CMTM3: variants seen among roughly 807,000 people sequenced by gnomAD.
CMTM3 encodes CKLF like MARVEL transmembrane domain containing 3.
Under a neutral mutation model 18.2 loss-of-function variants are expected in CMTM3, and 7 were observed. The observed-to-expected ratio is 0.38, with a 90% CI of 0.22 to 0.72. The LOEUF (loss-of-function observed/expected upper bound fraction) is 0.72. CMTM3 is among the 30% of genes least tolerant of loss of function. The probability of loss-of-function intolerance (pLI) is 0.46; values close to 1 mark genes in which losing one functional copy is unlikely to be tolerated. For missense variants in CMTM3, 227 were observed against 249.2 expected, an observed-to-expected ratio of 0.91 and a Z score of 0.60; for synonymous variants, 109 against 111.2, an observed-to-expected ratio of 0.98 and a Z score of 0.12.
chr16:66,612,802 C>T lies in CMTM3; in HGVS notation c.*165C>T, dbSNP rs1302636216. 1 of 677,752 alleles carries T rather than the reference C, an allele frequency of 1.5e-6. No individual in the cohort carries two copies. The highest frequency in any genetic ancestry group is 2.5e-6 in the Non-Finnish European group (1 of 395,504). 42.0% of individuals were successfully genotyped at this position (677,752 alleles called of 1,614,324 possible). A position where few individuals can be genotyped will look rare whatever the true frequency, so the allele number is the denominator to read the frequency against. ...CAGGTTCTGCCTGAGCCCAGCCTACCAGGCTTGCCCCTCAGCTCAGCACTG... is the reference window on the plus strand; with the variant it reads ...CAGGTTCTGCCTGAGCCCAGCCTACTAGGCTTGCCCCTCAGCTCAGCACTG... On this transcript the variant is annotated 3_prime_UTR_variant, in exon 5 of 5. Transcript: ENST00000567572. This position sits in a 1 kb window ranked among gnomAD's most constrained non-coding sequence, Gnocchi z 6.0.
chr16:66,609,746 C>A lies in CMTM3; in HGVS notation c.400-137C>A. The A allele has an allele frequency of 1.3e-6, 2 of 1,579,464 alleles. No individual in the cohort carries two copies. Among genetic ancestry groups the A allele is most frequent in the Non-Finnish European group, 1.7e-6 (2 of 1,162,988 alleles). On this transcript the variant is annotated intron_variant, in intron 3 of 4. Transcript: ENST00000567572. This position sits in a 1 kb window ranked among gnomAD's most constrained non-coding sequence, Gnocchi z 4.4. ...AAGTTCACAGCTCATTTTCCCACTTCCGTTACTCACAGGGGTCTGTGCCTG... is the reference window on the plus strand; with the variant it reads ...AAGTTCACAGCTCATTTTCCCACTTACGTTACTCACAGGGGTCTGTGCCTG...
chr16:66,612,641 C>A lies in CMTM3; in HGVS notation c.*4C>A. The A allele has an allele frequency of 6.2e-7, 1 of 1,613,934 alleles. No homozygotes were observed. Among genetic ancestry groups the A allele is most frequent in the Non-Finnish European group, 8.5e-7 (1 of 1,179,936 alleles). Reference sequence around the variant, plus strand: ...TTCCGACTCGGACTCTGACTGAAGGCCTGGCGGGTGCCTTGGCAACCTGAG... The same window carrying A: ...TTCCGACTCGGACTCTGACTGAAGGACTGGCGGGTGCCTTGGCAACCTGAG... On this transcript the variant is annotated 3_prime_UTR_variant, in exon 5 of 5. Coordinates refer to ENST00000567572, the MANE Select transcript of CMTM3 (RefSeq NM_181553.4). The surrounding 1 kb of genome is among the most constrained non-coding windows in gnomAD (Gnocchi z 6.0).
chr16:66,611,849 G>A (rs981910034), intron 4 of CMTM3, among the ~76,000 whole-genome samples: 2 of 152,030 alleles, frequency 1.3e-5, no homozygotes, highest in African/African-American at 2.4e-5. Flanking sequence ...ATTGGGGGAG[G>A]GGGATTGAAG....
Position 66,610,997 on chromosome 16 carries a change from GC to G in CMTM3, c.520+997del, listed in dbSNP as rs1345025145. ...CAGGCTCTGCAACCTGCTCCCAGTT[GC>G]CCGCAGCAAGTGATCCCAGACAACC... On this transcript the variant is annotated intron_variant, in intron 4 of 4. Transcript: ENST00000567572. The surrounding 1 kb of genome is among the most constrained non-coding windows in gnomAD (Gnocchi z 4.6). The G allele has an allele frequency of 5.0e-6, 2 of 397,992 alleles. No individual in the cohort carries two copies. Among genetic ancestry groups the G allele is most frequent in the African/African-American group, 4.1e-5 (2 of 48,612 alleles). The allele number at this position is 397,992 out of a possible 1,614,324, so 24.7% of individuals were successfully genotyped here.
chr16:66,613,087 G>A lies in CMTM3; in HGVS notation c.*450G>A, dbSNP rs892116487. On this transcript the variant is annotated 3_prime_UTR_variant, in exon 5 of 5. Coordinates refer to ENST00000567572, the MANE Select transcript of CMTM3 (RefSeq NM_181553.4). ...GCCCCGGTGGGTTTGTCTGCACTTG[G>A]TGCTCCTGCCCACACCAGCCACTTT... is the stretch of plus-strand genomic sequence containing the variant. The A allele has an allele frequency of 4.3e-6, 3 of 702,870 alleles. No homozygotes were observed. The highest frequency in any genetic ancestry group is 7.8e-6 in the Non-Finnish European group (3 of 385,008). 43.5% of individuals were successfully genotyped at this position (702,870 alleles called of 1,614,324 possible). A position where few individuals can be genotyped will look rare whatever the true frequency, so the allele number is the denominator to read the frequency against.
rs1038858119 is a variant in CMTM3, at chr16:66,610,517, T to C, written c.520+514T>C. Among the ~76,000 whole-genome samples, 2 of 152,112 alleles carry C rather than the reference T, an allele frequency of 1.3e-5. No individual in the cohort carries two copies. The highest frequency in any genetic ancestry group is 4.8e-5 in the African/African-American group (2 of 41,410). ...GGAGCCGATAGAGGGAGGGATACAG[T>C]AGCTGAAAGCAGGCCCACGCTGGGT... On this transcript the variant is annotated intron_variant, in intron 4 of 4. Transcript: ENST00000567572. The surrounding 1 kb of genome is among the most constrained non-coding windows in gnomAD (Gnocchi z 4.6).
chr16:66,613,280 A>C lies in CMTM3; in HGVS notation c.*643A>C. 1 of 629,020 alleles carries C rather than the reference A, an allele frequency of 1.6e-6. No individual in the cohort carries two copies. The allele number at this position is 629,020 out of a possible 1,614,324, so 39.0% of individuals were successfully genotyped here. A position where few individuals can be genotyped will look rare whatever the true frequency, so the allele number is the denominator to read the frequency against. The stretch of plus-strand genomic sequence containing the variant: ...AACCATGTCTTCTGGGGGTGAGATG[A>C]CCATTCTGGGTCTAAGACTGTTTCA... On this transcript the variant is annotated 3_prime_UTR_variant, in exon 5 of 5. Transcript: ENST00000567572.
In CMTM3 at chr16:66,608,545, C is replaced by G; in HGVS notation, c.303+81C>G. The G allele has an allele frequency of 7.1e-7, 1 of 1,412,332 alleles. No homozygotes were observed. The highest frequency in any genetic ancestry group is 9.8e-7 in the Non-Finnish European group (1 of 1,024,452). 87.5% of individuals were successfully genotyped at this position (1,412,332 alleles called of 1,614,324 possible). A position where few individuals can be genotyped will look rare whatever the true frequency, so the allele number is the denominator to read the frequency against. The stretch of plus-strand genomic sequence containing the variant: ...GAGTCCAGAGTCGTGCACTTGGGCC[C>G]TTATCCTTTCTCTAGTGTGCTGGAG... On this transcript the variant is annotated intron_variant, in intron 2 of 4. Coordinates refer to ENST00000567572, the MANE Select transcript of CMTM3 (RefSeq NM_181553.4). This position sits in a 1 kb window ranked among gnomAD's most constrained non-coding sequence, Gnocchi z 5.1.
intron 1 of CMTM3, among the ~76,000 whole-genome samples, chr16:66,607,176 C>G (rs1002377789): frequency 1.1e-3 from 161 of 152,336 alleles, no homozygotes; most frequent in African/African-American, 3.7e-3. Context: ...TGTGGAGCCC[C>G]AGGCTGGCCA....
At chr16:66,607,935 C>T (rs2015221858) in intron 1 of CMTM3, among the ~76,000 whole-genome samples, 1 of 151,904 alleles carries the variant, frequency 6.6e-6, no homozygotes, top group African/African-American at 2.4e-5. Context: ...GCCTCGACCT[C>T]CCCGGGCTCA....
chr16:66,609,511 G>A lies in CMTM3; in HGVS notation c.380G>A (p.Gly127Glu). The A allele has an allele frequency of 6.2e-7, 1 of 1,605,876 alleles. No homozygotes were observed. The highest frequency in any genetic ancestry group is 8.5e-7 in the Non-Finnish European group (1 of 1,176,050). Residue 127 changes from glycine to glutamate, a missense_variant, in exon 3 of 5, where the codon GGG (glycine) becomes GAG (glutamate). By Grantham distance (98) the Gly-to-Glu change is moderately conservative. Transcript: ENST00000567572. The surrounding 1 kb of genome is among the most constrained non-coding windows in gnomAD (Gnocchi z 4.4). ...ACGGCCATCGCCAAGTACTCGGATG[G>A]GGCTTCCAAAGCCGCTGGGGTGAGC... is the stretch of plus-strand genomic sequence containing the variant. Reference protein sequence around the residue: ...SITAIAKYSDGASKAAGVFGF... With the variant: ...SITAIAKYSDEASKAAGVFGF...
In CMTM3 at chr16:66,608,320, C is replaced by T; in HGVS notation, c.159C>T (p.Phe53=). ...RLLLAESGLS[F]ITFICYVASS... is the part of the protein sequence containing the mutation. ...CTCCTTCCCCGCAGGGTCTCTCATTCATCACTTTTATCTGCTATGTGGCGT... is the reference window on the plus strand; with the variant it reads ...CTCCTTCCCCGCAGGGTCTCTCATTTATCACTTTTATCTGCTATGTGGCGT... The change falls in exon 2 of 5, where the codon TTC becomes TTT. Residue 53 remains phenylalanine, a synonymous_variant. Coordinates refer to ENST00000567572, the MANE Select transcript of CMTM3 (RefSeq NM_181553.4). The surrounding 1 kb of genome is among the most constrained non-coding windows in gnomAD (Gnocchi z 5.1). 6.2e-7 allele frequency: 1 copy of T among 1,614,210 alleles called. No individual in the cohort carries two copies. The highest frequency in any genetic ancestry group is 1.1e-5 in the South Asian group (1 of 91,084).
chr16:66,609,805 T>G lies in CMTM3; in HGVS notation c.400-78T>G, dbSNP rs752608577. The G allele has an allele frequency of 5.6e-6, 9 of 1,613,958 alleles. No homozygotes were observed. In the South Asian group the frequency reaches 8.8e-5, roughly 16 times the overall value. On this transcript the variant is annotated intron_variant, in intron 3 of 4. Transcript: ENST00000567572. The surrounding 1 kb of genome is among the most constrained non-coding windows in gnomAD (Gnocchi z 4.4). ...GCTGTTTGTCCAAGCAGATCTGAAA[T>G]GGGCCGTGAGGCTGGGGCAGCAGCC...
In CMTM3 at chr16:66,609,594, G is replaced by C; in HGVS notation, c.399+64G>C. 6.5e-7 allele frequency: 1 copy of C among 1,529,684 alleles called. No individual in the cohort carries two copies. Among genetic ancestry groups the C allele is most frequent in the Non-Finnish European group, 8.9e-7 (1 of 1,128,554 alleles). The allele number at this position is 1,529,684 out of a possible 1,614,324, so 94.8% of individuals were successfully genotyped here. ...CCCTCTAGCCCCTCATTTAGGGTGGGACCTGGGGCAGAGCCTTTCCCTGCT... is the reference window on the plus strand; with the variant it reads ...CCCTCTAGCCCCTCATTTAGGGTGGCACCTGGGGCAGAGCCTTTCCCTGCT... On this transcript the variant is annotated intron_variant, in intron 3 of 4. Coordinates refer to ENST00000567572, the MANE Select transcript of CMTM3 (RefSeq NM_181553.4). This position sits in a 1 kb window ranked among gnomAD's most constrained non-coding sequence, Gnocchi z 4.4.
In CMTM3 at chr16:66,612,676, C is replaced by T; in HGVS notation, c.*39C>T. 1 of 1,607,168 alleles carries T rather than the reference C, an allele frequency of 6.2e-7. No homozygotes were observed. The highest frequency in any genetic ancestry group is 8.5e-7 in the Non-Finnish European group (1 of 1,174,386). ...GCCTTGGCAACCTGAGCCACACAGG[C>T]CTCCACCCCTGCGCCTCACAGGGGT... On this transcript the variant is annotated 3_prime_UTR_variant, in exon 5 of 5. Transcript: ENST00000567572. The surrounding 1 kb of genome is among the most constrained non-coding windows in gnomAD (Gnocchi z 6.0).
Position 66,605,477 on chromosome 16 carries a change from G to A in CMTM3, c.147+525G>A, listed in dbSNP as rs562925477. The stretch of plus-strand genomic sequence containing the variant: ...TCGCCCTCCTCCCCTCCGCGGCCGG[G>A]CTCCTTCCTACTCCGCCCTCGCCCC... On this transcript the variant is annotated intron_variant, in intron 1 of 4. Transcript: ENST00000567572. The surrounding 1 kb of genome is among the most constrained non-coding windows in gnomAD (Gnocchi z 4.6). 3.3e-4 allele frequency: 50 copies of A among 152,904 alleles called. No individual in the cohort carries two copies. In the South Asian group the frequency reaches 0.01, roughly 31 times the overall value. 9.5% of individuals were successfully genotyped at this position (152,904 alleles called of 1,614,324 possible).
rs758402246 is a variant in CMTM3 at position 66,609,906 on chromosome 16, C to A, written c.423C>A (p.Ile141=). 18 of 1,614,154 alleles carry A rather than the reference C, an allele frequency of 1.1e-5. No homozygotes were observed. The highest frequency in any genetic ancestry group is 2.2e-5 in the East Asian group (1 of 44,864). The change falls in exon 4 of 5, where the codon ATC becomes ATA. Residue 141 remains isoleucine, a synonymous_variant. Transcript: ENST00000567572. The surrounding 1 kb of genome is among the most constrained non-coding windows in gnomAD (Gnocchi z 4.4). ...AGGTGTTTGGCTTCTTTGCTACCAT[C>A]GTGTTTGCAACTGATTTCTACCTGA... ...AAGVFGFFAT[I]VFATDFYLIF... is the part of the protein sequence containing the mutation.
At position 66,608,344 on chromosome 16, in the gene CMTM3, G is replaced by T. The variant is rs149684359; in HGVS notation, c.183G>T (p.Ala61=). 6.2e-7 allele frequency: 1 copy of T among 1,614,162 alleles called. No homozygotes were observed. Among genetic ancestry groups the T allele is most frequent in the Non-Finnish European group, 8.5e-7 (1 of 1,180,034 alleles). The part of the protein sequence containing the change: ...LSFITFICYV[A]SSASAFLTAP... ...TCATCACTTTTATCTGCTATGTGGC[G>T]TCCTCAGCATCTGCCTTCCTCACAG... The change falls in exon 2 of 5, where the codon GCG becomes GCT. Residue 61 remains alanine (A), a synonymous_variant. Transcript: ENST00000567572. The surrounding 1 kb of genome is among the most constrained non-coding windows in gnomAD (Gnocchi z 5.1).
rs764874227 is a variant in CMTM3 at position 66,609,801 on chromosome 16, G to A, written c.400-82G>A. 25 of 1,613,640 alleles carry A rather than the reference G, an allele frequency of 1.5e-5. No individual in the cohort carries two copies. Among genetic ancestry groups the A allele is most frequent in the Non-Finnish European group, 1.9e-5 (23 of 1,179,816 alleles). ...TCGGGCTGTTTGTCCAAGCAGATCT[G>A]AAATGGGCCGTGAGGCTGGGGCAGC... On this transcript the variant is annotated intron_variant, in intron 3 of 4. Coordinates refer to ENST00000567572, the MANE Select transcript of CMTM3 (RefSeq NM_181553.4). The surrounding 1 kb of genome is among the most constrained non-coding windows in gnomAD (Gnocchi z 4.4).
Sources: allele counts gnomAD v4.1 joint callset (sites outside exome capture counted in the v4.1 genomes callset), GRCh38; gene constraint gnomAD v4.1.1; non-coding constraint Gnocchi (gnomAD v3.1); transcripts MANE v1.5; gene names NCBI Gene and HGNC (gene_info 2026-07-23, HGNC 2026-07-21).